Variants in MYO3B observed in about 807,000 individuals in gnomAD.
The protein encoded by MYO3B is myosin IIIB.
Under a neutral mutation model 174.6 loss-of-function variants are expected in MYO3B, and 156 were observed. The ratio of observed to expected loss-of-function variants is 0.89; its 90% CI spans 0.78 to 1.02. The LOEUF (loss-of-function observed/expected upper bound fraction) is 1.02. Ranked by LOEUF, MYO3B falls within the 50% of genes least tolerant of loss-of-function variation. MYO3B has a pLI of 0.00. For missense variants in MYO3B, 1,632 were observed against 1,639.4 expected (o/e 1.00, Z 0.08); for synonymous variants, 563 against 569.1 (o/e 0.99, Z 0.15).
At chr2:170,463,313 A>C (rs1402530418) in intron 23 of MYO3B, 55 bp from the exon 24 acceptor site, 93 of 1,506,052 alleles carry the variant, frequency 6.2e-5, no homozygotes, top group Non-Finnish European at 8.2e-5. Context: ...GAAGACATGG[A>C]GCATGAGGTA....
intron 28 of MYO3B, 41 bp from the exon 29 acceptor site, chr2:170,514,880 G>T (rs567333745): frequency 3.8e-6 from 6 of 1,570,216 alleles, no homozygotes; most frequent in Non-Finnish European, 5.2e-6. Context: ...TCTAGGTGTG[G>T]GAGCATAACC....
chr2:170,435,616 GT>G (rs2094747906), intron 22 of MYO3B, among the ~76,000 whole-genome samples: 1 of 152,190 alleles, frequency 6.6e-6, no homozygotes, highest in African/African-American at 2.4e-5. Context: ...ACTTAATCTT[GT>G]AACAGATGAA....
At chr2:170,430,422 A>G (rs2094699984) in intron 22 of MYO3B, among the ~76,000 whole-genome samples, 1 of 139,792 alleles carries the variant, frequency 7.2e-6, no homozygotes, top group African/African-American at 2.7e-5. Context: ...CCCAGGCTGG[A>G]GTGCAGTGGC....
At chr2:170,352,473 G>A (rs928321385) in intron 8 of MYO3B, among the ~76,000 whole-genome samples, 12 of 152,128 alleles carry the variant, frequency 7.9e-5, no homozygotes, top group African/African-American at 2.9e-4. Flanking sequence ...GGAAAAGGTT[G>A]GTAAAAAGAG....
At chr2:170,181,425 A>C (rs569216266) in intron 1 of MYO3B, among the ~76,000 whole-genome samples, 1 of 152,194 alleles carries the variant, frequency 6.6e-6, no homozygotes, top group East Asian at 1.9e-4. Context: ...CTGGATTTTT[A>C]AATTTTCTTT....
chr2:170,459,850 C>T (rs1297373628), intron 23 of MYO3B, among the ~76,000 whole-genome samples: 3 of 152,130 alleles, frequency 2.0e-5, no homozygotes, highest in Non-Finnish European at 2.9e-5. Context: ...GGTGCACCTT[C>T]CGCAGCTGCT....
chr2:170,237,533 C>CGGG (rs55901300), intron 7 of MYO3B, among the ~76,000 whole-genome samples: 1 of 141,096 alleles, frequency 7.1e-6, no homozygotes, highest in Non-Finnish European at 1.5e-5. Flanking sequence ...GTGTTTTTGG[C>CGGG]GGGGGGGAGG....
chr2:170,501,738 C>T lies in MYO3B; in HGVS notation c.3290-47C>T, dbSNP rs367913832. 135 of 1,309,376 alleles carry T rather than the reference C, an allele frequency of 1.0e-4. No individual in the cohort carries two copies. The African/African-American group carries it at 1.6e-3, about 16-fold the overall frequency. 81.1% of individuals were successfully genotyped at this position (1,309,376 alleles called of 1,614,324 possible). A position where few individuals can be genotyped will look rare whatever the true frequency, so the allele number is the denominator to read the frequency against. ...AACAGCTTATATCAATTCTCTGGCA[C>T]GTTCTTAAATTAATGTCATTCCTAG... On this transcript the variant is annotated intron_variant, in intron 27 of 34. Transcript: ENST00000408978.
intron 27 of MYO3B, among the ~76,000 whole-genome samples, chr2:170,500,999 C>T (rs1417587848): frequency 1.3e-5 from 2 of 152,246 alleles, no homozygotes; most frequent in Non-Finnish European, 2.9e-5. Context: ...CTTATGCTCT[C>T]ATAACCCAGA....
chr2:170,375,834 A>G (rs2094288812), intron 9 of MYO3B, among the ~76,000 whole-genome samples: 1 of 152,184 alleles, frequency 6.6e-6, no homozygotes, highest in Non-Finnish European at 1.5e-5. Flanking sequence ...AGTGCTGAAG[A>G]AGCTTAACAC....
At chr2:170,382,717 G>A (rs931741008) in intron 10 of MYO3B, 3 of 187,734 alleles carry the variant, frequency 1.6e-5, no homozygotes, top group East Asian at 1.4e-4. Flanking sequence ...CCATTCTGTC[G>A]GTGCTCTATC....
At chr2:170,611,327 A>G (rs1200473564) in intron 32 of MYO3B, among the ~76,000 whole-genome samples, 3 of 152,256 alleles carry the variant, frequency 2.0e-5, no homozygotes, top group Non-Finnish European at 4.4e-5. Context: ...TATTCTATCA[A>G]CAATGATTGG....
At chr2:170,258,472 C>T (rs770469155) in intron 7 of MYO3B, among the ~76,000 whole-genome samples, 10 of 152,064 alleles carry the variant, frequency 6.6e-5, no homozygotes, top group Non-Finnish European at 1.0e-4. Flanking sequence ...ATATGATCAT[C>T]TCAATAGATA....
chr2:170,239,219 A>G, intron 7 of MYO3B, among the ~76,000 whole-genome samples: 1 of 152,234 alleles, frequency 6.6e-6, no homozygotes, highest in Middle Eastern at 3.2e-3. Flanking sequence ...TAAAATTCCA[A>G]AGGCTTAAAA....
intron 23 of MYO3B, among the ~76,000 whole-genome samples, chr2:170,457,126 G>C (rs985585552): frequency 2.6e-5 from 4 of 152,194 alleles, no homozygotes; most frequent in Admixed American, 2.0e-4. Flanking sequence ...GGAGCTTACA[G>C]GACTGGAAGT....
chr2:170,240,759 G>C (rs1185132932), intron 7 of MYO3B, among the ~76,000 whole-genome samples: 1 of 152,144 alleles, frequency 6.6e-6, no homozygotes, highest in Non-Finnish European at 1.5e-5. Flanking sequence ...CATCATGACT[G>C]AATCAGCCAA....
At chr2:170,367,286 T>C (rs2094206173) in intron 8 of MYO3B, among the ~76,000 whole-genome samples, 2 of 152,212 alleles carry the variant, frequency 1.3e-5, no homozygotes, top group African/African-American at 4.8e-5. Flanking sequence ...ATGGGTGGGA[T>C]GAATATTATG....
At chr2:170,632,669 C>A (rs950399703) in intron 32 of MYO3B, among the ~76,000 whole-genome samples, 1 of 152,042 alleles carries the variant, frequency 6.6e-6, no homozygotes, top group Non-Finnish European at 1.5e-5. Context: ...ACAAAAAACC[C>A]TTCAAAAAAA....
rs780419273 is a variant in MYO3B at position 170,401,709 on chromosome 2, C to A, written c.2129+18C>A. 1 of 1,608,838 alleles carries A rather than the reference C, an allele frequency of 6.2e-7. No homozygotes were observed. The highest frequency in any genetic ancestry group is 1.3e-5 in the African/African-American group (1 of 74,876). On this transcript the variant is annotated intron_variant, in intron 18 of 34. Coordinates refer to ENST00000408978, the MANE Select transcript of MYO3B (RefSeq NM_138995.5). ...AACATATGGCAAGTTCCTCGGAGAGCAGAGGGTCTCAGGAGAGCTGTCATT... is the reference window on the plus strand; with the variant it reads ...AACATATGGCAAGTTCCTCGGAGAGAAGAGGGTCTCAGGAGAGCTGTCATT...
Sources: gnomAD v4.1 joint callset for allele counts (sites outside exome capture counted in the v4.1 genomes callset) on GRCh38, gnomAD v4.1.1 for gene constraint, MANE v1.5 for transcripts, NCBI Gene and HGNC (gene_info 2026-07-23, HGNC 2026-07-21) for gene names.